Variants in CAMTA1 observed in about 807,000 individuals in gnomAD.
The protein encoded by CAMTA1 is calmodulin-binding transcription activator 1.
A neutral mutation model predicts 170.9 loss-of-function variants in CAMTA1; 27 were observed. The ratio of observed to expected loss-of-function variants is 0.16; its 90% CI spans 0.12 to 0.22. The LOEUF is 0.22. CAMTA1 is among the 10% of genes least tolerant of loss of function. CAMTA1 has a pLI of 1.00. For synonymous variants in CAMTA1, 833 were observed against 891.5 expected (o/e 0.93, Z 1.17); for missense variants, 1,619 against 2,217.2 (o/e 0.73, Z 5.42).
At chr1:7,462,407 A>G (rs2149515105) in intron 5 of CAMTA1, among the ~76,000 whole-genome samples, 1 of 152,328 alleles carries the variant, frequency 6.6e-6, no homozygotes, top group Middle Eastern at 3.4e-3. Flanking sequence ...CTGAGACTAC[A>G]GGTGCATGCC....
chr1:7,757,006 C>T (rs1223994304), intron 22 of CAMTA1, among the ~76,000 whole-genome samples: 1 of 152,102 alleles, frequency 6.6e-6, no homozygotes, highest in Non-Finnish European at 1.5e-5. Context: ...TTTTCTCTAT[C>T]AACTCAACTA....
intron 3 of CAMTA1, among the ~76,000 whole-genome samples, chr1:6,972,046 G>A (rs1345856193): frequency 6.6e-6 from 1 of 152,164 alleles, no homozygotes; most frequent in Non-Finnish European, 1.5e-5. Flanking sequence ...AAGGAGGGGC[G>A]GGGGTAGAGT....
rs959030637 is a variant in CAMTA1 at position 7,570,752 on chromosome 1, C to T, written c.511-69648C>T. ...CCCCAGGTGGGTTTGAAGGGCCTCA[C>T]CTCTGCTCTCCATCACCCCCCACCG... On this transcript the variant is annotated intron_variant, in intron 6 of 22. Coordinates refer to ENST00000303635, the MANE Select transcript of CAMTA1 (RefSeq NM_015215.4). The surrounding 1 kb of genome is among the most constrained non-coding windows in gnomAD (Gnocchi z 4.3). Among the ~76,000 whole-genome samples, 3 of 152,202 alleles carry T rather than the reference C, an allele frequency of 2.0e-5. No homozygotes were observed. Among genetic ancestry groups the T allele is most frequent in the Non-Finnish European group, 2.9e-5 (2 of 68,042 alleles).
chr1:7,154,096 T>G (rs138796817), intron 4 of CAMTA1, among the ~76,000 whole-genome samples: 2 of 152,286 alleles, frequency 1.3e-5, no homozygotes, highest in African/African-American at 4.8e-5. Flanking sequence ...CTCTGGAGCA[T>G]CACTGTACAG....
chr1:6,826,340 C>T (rs1647102183), intron 3 of CAMTA1, among the ~76,000 whole-genome samples: 2 of 152,210 alleles, frequency 1.3e-5, no homozygotes, highest in African/African-American at 4.8e-5. Flanking sequence ...ATTTTCCCGT[C>T]AGACAGAATG....
At chr1:7,653,176 A>C (rs2095858505) in intron 7 of CAMTA1, among the ~76,000 whole-genome samples, 1 of 152,208 alleles carries the variant, frequency 6.6e-6, no homozygotes, top group African/African-American at 2.4e-5. Flanking sequence ...CCACACTTTG[A>C]GAACCACTGC....
Position 6,950,513 on chromosome 1 carries a change from G to A in CAMTA1, c.234+125303G>A, listed in dbSNP as rs544423000. ...CCCCATAGCTCAGTGGATTAAAACA[G>A]CAGAAGGCGTTTTCTCACTCCTGCC... On this transcript the variant is annotated intron_variant, in intron 3 of 22. Transcript: ENST00000303635. Among the ~76,000 whole-genome samples, 3 of 152,274 alleles carry A rather than the reference G, an allele frequency of 2.0e-5. No individual in the cohort carries two copies. In the South Asian group the frequency reaches 6.2e-4, roughly 32 times the overall value.
chr1:7,276,303 A>ATAATTTTTTTTTTTTTTTTTTTTT lies in CAMTA1; in HGVS notation c.438+26678_438+26679insAATTTTTTTTTTTTTTTTTTTTTT. 4.5e-4 allele frequency among the ~76,000 whole-genome samples: 11 copies of ATAATTTTTTTTTTTTTTTTTTTTT among 24,228 alleles called. 1 individual carries two copies. Among genetic ancestry groups the ATAATTTTTTTTTTTTTTTTTTTTT allele is most frequent in the African/African-American group, 3.3e-3 (11 of 3,360 alleles). The allele number at this position is 24,228 out of a possible 152,430, so 15.9% of individuals were successfully genotyped here. A position where few individuals can be genotyped will look rare whatever the true frequency, so the allele number is the denominator to read the frequency against. On this transcript the variant is annotated intron_variant, in intron 5 of 22. Transcript: ENST00000303635. ...CATATATATATATATATATATATAT[A>ATAATTTTTTTTTTTTTTTTTTTTT]TTTTTTTTTTTTTTTTTTCTTTTTG...
chr1:7,474,617 C>T (rs954131052), intron 6 of CAMTA1, among the ~76,000 whole-genome samples: 2 of 152,204 alleles, frequency 1.3e-5, no homozygotes, highest in Non-Finnish European at 2.9e-5. Flanking sequence ...CTCCCAGAGG[C>T]GTTGAGCTAG....
At chr1:6,983,608 A>G (rs1572212087) in intron 3 of CAMTA1, among the ~76,000 whole-genome samples, 1 of 152,210 alleles carries the variant, frequency 6.6e-6, no homozygotes, top group African/African-American at 2.4e-5. Context: ...GGCAAGTTCT[A>G]TAACTAATTT....
chr1:7,758,934 C>A (rs1228332230), intron 22 of CAMTA1, among the ~76,000 whole-genome samples: 171 of 78,930 alleles, frequency 2.2e-3, no homozygotes, highest in Non-Finnish European at 2.5e-3. Flanking sequence ...GACTCTGTCT[C>A]AAAAAAAAAA....
chr1:7,343,846 T>C (rs1178959104), intron 5 of CAMTA1, among the ~76,000 whole-genome samples: 1 of 152,242 alleles, frequency 6.6e-6, no homozygotes, highest in Non-Finnish European at 1.5e-5. Context: ...TGTCTCTAAA[T>C]CTCATTTATG....
rs375045902 is a variant in CAMTA1, at chr1:7,680,861, C to G, written c.2914+3128C>G. The stretch of plus-strand genomic sequence containing the variant: ...GAGAACACGCGCGCGCGCGCGCGCG[C>G]CAGCAGCAGCAGCAGCAGCAGCTGC... On this transcript the variant is annotated intron_variant, in intron 11 of 22. Transcript: ENST00000303635. The surrounding 1 kb of genome is among the most constrained non-coding windows in gnomAD (Gnocchi z 4.4). 1.5e-5 allele frequency among the ~76,000 whole-genome samples: 2 copies of G among 136,568 alleles called. No individual in the cohort carries two copies. Among genetic ancestry groups the G allele is most frequent in the South Asian group, 4.8e-4 (2 of 4,150 alleles). The allele number at this position is 136,568 out of a possible 152,430, so 89.6% of individuals were successfully genotyped here. A position where few individuals can be genotyped will look rare whatever the true frequency, so the allele number is the denominator to read the frequency against.
chr1:6,825,162 G>A lies in CAMTA1; in HGVS notation c.186G>A (p.Pro62=), dbSNP rs201916535. The A allele has an allele frequency of 3.7e-6, 6 of 1,611,198 alleles. No homozygotes were observed. The highest frequency in any genetic ancestry group is 4.5e-5 in the East Asian group (2 of 44,776). Residue 62 remains proline, a synonymous_variant, in exon 3 of 23, where the codon CCG becomes CCA. Coordinates refer to ENST00000303635, the MANE Select transcript of CAMTA1 (RefSeq NM_015215.4). ...CGAAAAAGCTGCTTGAATGTCTGCCGAAATGTTCAAGTTTACCAAAAGAGA... is the reference window on the plus strand; with the variant it reads ...CGAAAAAGCTGCTTGAATGTCTGCCAAAATGTTCAAGTTTACCAAAAGAGA... The part of the protein sequence containing the change: ...FLPKKLLECL[P]KCSSLPKERH...
chr1:7,513,125 G>C (rs1424611738), intron 6 of CAMTA1, among the ~76,000 whole-genome samples: 2 of 152,130 alleles, frequency 1.3e-5, no homozygotes, highest in African/African-American at 4.8e-5. Flanking sequence ...GACCAGGGAG[G>C]TGCTTGTGAC....
intron 11 of CAMTA1, among the ~76,000 whole-genome samples, chr1:7,700,274 G>A (rs2096424720): frequency 6.6e-6 from 1 of 152,122 alleles, no homozygotes; most frequent in Admixed American, 6.5e-5. Flanking sequence ...CCCATTTGTT[G>A]AAGACGATTC....
chr1:7,259,100 T>C (rs1222516032), intron 5 of CAMTA1, among the ~76,000 whole-genome samples: 1 of 152,178 alleles, frequency 6.6e-6, no homozygotes, highest in Admixed American at 6.5e-5. Context: ...TGATGGCCGC[T>C]GGCTCCGGCC....
At chr1:7,119,117 T>G (rs1644501663) in intron 4 of CAMTA1, among the ~76,000 whole-genome samples, 1 of 152,200 alleles carries the variant, frequency 6.6e-6, no homozygotes, top group Non-Finnish European at 1.5e-5. Flanking sequence ...ACCCCTGATG[T>G]CAGTTCAGAT....
At chr1:7,753,697 ACAT>A (rs1237649494) in intron 21 of CAMTA1, among the ~76,000 whole-genome samples, 7 of 152,204 alleles carry the variant, frequency 4.6e-5, no homozygotes, top group African/African-American at 1.7e-4. Flanking sequence ...CACTGCATTA[ACAT>A]CATAAAAACT....
Sources: gnomAD v4.1 joint callset for allele counts (sites outside exome capture counted in the v4.1 genomes callset) on GRCh38, gnomAD v4.1.1 for gene constraint, Gnocchi (gnomAD v3.1) non-coding constraint, MANE v1.5 for transcripts, NCBI Gene and HGNC (gene_info 2026-07-23, HGNC 2026-07-21) for gene names.